EIF3L: variants seen among roughly 807,000 people sequenced by gnomAD.
EIF3L encodes the protein eukaryotic translation initiation factor 3 subunit L, also known as eIEF associated protein HSPC021.
Under a neutral mutation model 74.6 loss-of-function variants are expected in EIF3L, and 32 were observed. That is an observed-to-expected ratio of 0.43 (90% CI 0.32 to 0.58). The LOEUF (loss-of-function observed/expected upper bound fraction) is 0.58, where lower values mean the gene tolerates loss of function less well. EIF3L is among the 20% of genes least tolerant of loss of function. The pLI, the probability that EIF3L is intolerant of heterozygous loss-of-function variation, is 0.06. For synonymous variants in EIF3L, 256 were observed against 254.4 expected (o/e 1.01, Z -0.06); for missense variants, 474 against 707.8 (o/e 0.67, Z 3.75).
chr22:37,854,798 G>A (rs897113746), intron 3 of EIF3L, among the ~76,000 whole-genome samples: 7 of 152,098 alleles, frequency 4.6e-5, no homozygotes, highest in Non-Finnish European at 1.0e-4. Flanking sequence ...TTCTGTTTCT[G>A]TGTTTCTCCC....
intron 11 of EIF3L, chr22:37,884,655 T>C (rs1271873776): frequency 1.3e-5 from 2 of 152,212 alleles, no homozygotes; most frequent in Admixed American, 1.3e-4. Flanking sequence ...CAAAGAAAAC[T>C]GAGCCAGGCT....
chr22:37,870,206 A>T lies in EIF3L; in HGVS notation c.610A>T (p.Thr204Ser). 6.2e-7 allele frequency: 1 copy of T among 1,612,982 alleles called. No homozygotes were observed. Among genetic ancestry groups the T allele is most frequent in the Non-Finnish European group, 8.5e-7 (1 of 1,179,404 alleles). Residue 204 changes from threonine to serine, a missense_variant, in exon 8 of 13, where the codon ACT (threonine) becomes TCT (serine). Thr to Ser is a moderately conservative substitution (Grantham distance 58). Coordinates refer to ENST00000652021, the MANE Select transcript of EIF3L (RefSeq NM_016091.4). ...GTCATTCAGTCAGTACCGCTGTAAG[A>T]CTGCCAAGAAGTCAGAGGAGGAGAT... The part of the protein sequence containing the change: ...FQSFSQYRCK[T>S]AKKSEEEIDF...
intron 10 of EIF3L, 107 bp from the exon 11 acceptor site, chr22:37,877,567 C>T (rs1452601649): frequency 1.7e-5 from 23 of 1,357,202 alleles, no homozygotes; most frequent in Non-Finnish European, 2.2e-5. Context: ...TATGAAACAA[C>T]TGGGTAAGTC....
intron 11 of EIF3L, chr22:37,882,744 A>G (rs571690484): frequency 6.6e-6 from 1 of 152,020 alleles, no homozygotes; most frequent in South Asian, 2.1e-4. Context: ...GGTTCACGCA[A>G]GTAATCCCAG....
At chr22:37,854,157 G>A (rs2145797879) in intron 3 of EIF3L, among the ~76,000 whole-genome samples, 1 of 152,302 alleles carries the variant, frequency 6.6e-6, no homozygotes, top group African/African-American at 2.4e-5. Flanking sequence ...AAAGGATCTA[G>A]TAAAGGAGGC....
chr22:37,871,116 A>T (rs1385661690), intron 8 of EIF3L: 1 of 150,644 alleles, frequency 6.6e-6, no homozygotes, highest in Non-Finnish European at 1.5e-5. Context: ...CCACAGAGCG[A>T]GAACTTGTCT....
intron 5 of EIF3L, among the ~76,000 whole-genome samples, chr22:37,860,239 A>G (rs1925784882): frequency 1.3e-5 from 2 of 152,212 alleles, no homozygotes; most frequent in Non-Finnish European, 2.9e-5. Context: ...GCTACCGTTT[A>G]TTACCAAGTT....
chr22:37,864,675 A>G (rs1926049708), intron 7 of EIF3L, among the ~76,000 whole-genome samples: 1 of 151,632 alleles, frequency 6.6e-6, no homozygotes, highest in Non-Finnish European at 1.5e-5. Context: ...AGTAGCTGGG[A>G]TTACAGGTGC....
chr22:37,880,113 T>C (rs974770303), intron 11 of EIF3L: 1 of 149,656 alleles, frequency 6.7e-6, no homozygotes, highest in African/African-American at 2.5e-5. Flanking sequence ...ATTTTATTTT[T>C]ATTTTATTTT....
chr22:37,883,121 A>G (rs1601784227), intron 11 of EIF3L: 2 of 151,310 alleles, frequency 1.3e-5, no homozygotes, highest in Non-Finnish European at 2.9e-5. Context: ...ACATGAAGAA[A>G]CCCCATCTCT....
At chr22:37,871,046 T>G (rs1237951223) in intron 8 of EIF3L, among the ~76,000 whole-genome samples, 1 of 151,992 alleles carries the variant, frequency 6.6e-6, no homozygotes, top group Non-Finnish European at 1.5e-5. Flanking sequence ...GAGGATTGCT[T>G]GAGCCCAGGA....
In EIF3L at chr22:37,885,499, A is replaced by G. The variant is rs538001397; in HGVS notation, c.1576-1266A>G. The G allele has an allele frequency of 2.6e-5, 4 of 152,068 alleles. No individual in the cohort carries two copies. The South Asian group carries it at 8.3e-4, about 32-fold the overall frequency. 9.4% of individuals were successfully genotyped at this position (152,068 alleles called of 1,614,324 possible). On this transcript the variant is annotated intron_variant, in intron 11 of 12. Coordinates refer to ENST00000652021, the MANE Select transcript of EIF3L (RefSeq NM_016091.4). Reference sequence around the variant, plus strand: ...TTCTTAACTTGAAAGAAATCCTATCAGAGATTTAGAACGTTCTTAGATCTT... The same window carrying G: ...TTCTTAACTTGAAAGAAATCCTATCGGAGATTTAGAACGTTCTTAGATCTT...
chr22:37,870,291 A>C lies in EIF3L; in HGVS notation c.695A>C (p.His232Pro). Residue 232 changes from histidine to proline, a missense_variant, in exon 8 of 13, where the codon CAT becomes CCT. This residue lies in a region of EIF3L where 293 missense variants were observed against 469.1 expected (regional missense o/e 0.62). Transcript: ENST00000652021. ...GTTCATAGTGTCCTCAATGTCCTTC[A>C]TTCCCTGGTAGACAAATCCAACATC... is the stretch of plus-strand genomic sequence containing the variant. ...WNVHSVLNVLHSLVDKSNINR... is the reference protein window; with the variant it reads ...WNVHSVLNVLPSLVDKSNINR... 1.2e-6 allele frequency: 2 copies of C among 1,613,828 alleles called. No homozygotes were observed. Among genetic ancestry groups the C allele is most frequent in the Non-Finnish European group, 1.7e-6 (2 of 1,179,814 alleles).
chr22:37,851,142 T>G, intron 2 of EIF3L, 138 bp from the exon 3 acceptor site: 1 of 640,114 alleles, frequency 1.6e-6, no homozygotes, highest in Non-Finnish European at 2.7e-6. Flanking sequence ...GGGAGTGACT[T>G]GAGATGTTTG....
In EIF3L at chr22:37,851,473, G is replaced by A; in HGVS notation, c.276G>A (p.Gln92=). ...DVIDQKVYEI[Q]DIYENSWTKL... ...TTGACCAGAAGGTGTATGAGATCCA[G>A]GACATCTATGAGAACAGGTATGGGC... is the stretch of plus-strand genomic sequence containing the variant. Residue 92 remains glutamine (Q), a synonymous_variant, in exon 3 of 13, where the codon CAG becomes CAA. Coordinates refer to ENST00000652021, the MANE Select transcript of EIF3L (RefSeq NM_016091.4). 6.2e-7 allele frequency: 1 copy of A among 1,612,556 alleles called. No homozygotes were observed. The highest frequency in any genetic ancestry group is 8.5e-7 in the Non-Finnish European group (1 of 1,179,166).
intron 10 of EIF3L, 190 bp downstream of exon 10, chr22:37,876,201 C>A: frequency 1.7e-6 from 1 of 575,204 alleles, no homozygotes; most frequent in Non-Finnish European, 3.0e-6. Flanking sequence ...GCAGTCACAG[C>A]TCACGTCAGC....
At chr22:37,884,872 CTT>C (rs1356375771) in intron 11 of EIF3L, 2 of 131,974 alleles carry the variant, frequency 1.5e-5, no homozygotes, top group African/African-American at 5.6e-5. Flanking sequence ...ATAAAGAAAA[CTT>C]TCTCCCTTGC....
At chr22:37,869,696 A>G (rs1479237803) in intron 7 of EIF3L, among the ~76,000 whole-genome samples, 3 of 152,120 alleles carry the variant, frequency 2.0e-5, no homozygotes, top group African/African-American at 7.2e-5. Flanking sequence ...GAGAGGTGAC[A>G]TAGTCTGGGA....
rs1926806949 is a variant in EIF3L at position 37,877,350 on chromosome 22, A to C, written c.1078-324A>C. On this transcript the variant is annotated intron_variant, in intron 10 of 12. Transcript: ENST00000652021. The stretch of plus-strand genomic sequence containing the variant: ...TTAGTCTATATTTCTGTCGTCATCA[A>C]GGTTGCATCAAAGGTTTTGGGTAAC... The C allele has an allele frequency of 1.4e-5, 4 of 279,634 alleles. No individual in the cohort carries two copies. In the East Asian group the frequency reaches 2.6e-4, roughly 18 times the overall value. 17.3% of individuals were successfully genotyped at this position (279,634 alleles called of 1,614,324 possible).
Sources: allele counts gnomAD v4.1 joint callset (sites outside exome capture counted in the v4.1 genomes callset), GRCh38; gene constraint gnomAD v4.1.1; regional missense constraint gnomAD v4.1.1; transcripts MANE v1.5; gene names NCBI Gene and HGNC (gene_info 2026-07-23, HGNC 2026-07-21).